The following SLC12A7 variants were observed in gnomAD, a reference collection of about 807,000 sequenced individuals.
SLC12A7 encodes K-Cl cotransporter 4.
A neutral mutation model predicts 120.6 loss-of-function variants in SLC12A7; 100 were observed. The ratio of observed to expected loss-of-function variants is 0.83; its 90% CI spans 0.71 to 0.98. The LOEUF is 0.98. Ranked by LOEUF, SLC12A7 falls within the 50% of genes least tolerant of loss-of-function variation. The probability of loss-of-function intolerance (pLI) is 0.00; values close to 1 mark genes in which losing one functional copy is unlikely to be tolerated. For synonymous variants in SLC12A7, 760 were observed against 678.0 expected (o/e 1.12, Z -1.88); for missense variants, 1,373 against 1,548.1 (o/e 0.89, Z 1.90).
chr5:1,059,922 C>T (rs1297441304), intron 21 of SLC12A7, among the ~76,000 whole-genome samples: 2 of 152,232 alleles, frequency 1.3e-5, no homozygotes, highest in African/African-American at 4.8e-5. Flanking sequence ...GACAAAGCAG[C>T]CATCGTAAGC....
chr5:1,140,729 A>G, the SLC12A7 span, among the ~76,000 whole-genome samples: 5 of 152,194 alleles, frequency 3.3e-5, no homozygotes, highest in Non-Finnish European at 5.9e-5. Context: ...GGCCCCGGGG[A>G]GGGCTCAGGT....
chr5:1,122,363 C>T, the SLC12A7 span, among the ~76,000 whole-genome samples: 3 of 152,200 alleles, frequency 2.0e-5, no homozygotes, highest in African/African-American at 4.8e-5. Flanking sequence ...ACAGCCCCCG[C>T]CACTGCGCTT....
chr5:1,114,121 A>G (rs1197536954), upstream of SLC12A7, among the ~76,000 whole-genome samples: 1 of 152,192 alleles, frequency 6.6e-6, no homozygotes, highest in Admixed American at 6.5e-5. Flanking sequence ...ACAGAGGAGG[A>G]AACTGAGGCC....
Position 1,089,146 on chromosome 5 carries a change from G to A in SLC12A7, c.343-18C>T, listed in dbSNP as rs532757857. The A allele has an allele frequency of 1.3e-5, 21 of 1,610,874 alleles. No individual in the cohort carries two copies. Among genetic ancestry groups the A allele is most frequent in the South Asian group, 3.3e-5 (3 of 91,026 alleles). On this transcript the variant is annotated intron_variant, in intron 3 of 23. Coordinates refer to ENST00000264930, the MANE Select transcript of SLC12A7 (RefSeq NM_006598.3). ...CGCGGAGCCTGCGACAGAGCATAGC[G>A]TGTCCCAGGGGCTCGTACCCCACAC...
At chr5:1,089,905 GC>G (rs1468514878) in intron 3 of SLC12A7, among the ~76,000 whole-genome samples, 1 of 152,252 alleles carries the variant, frequency 6.6e-6, no homozygotes, top group Non-Finnish European at 1.5e-5. Flanking sequence ...TGCCTGCTCA[GC>G]CCCACTCCCG....
chr5:1,089,830 A>G (rs1740292583), intron 3 of SLC12A7, among the ~76,000 whole-genome samples: 1 of 152,220 alleles, frequency 6.6e-6, no homozygotes, highest in Admixed American at 6.5e-5. Flanking sequence ...AGCGCCTGCC[A>G]GGCAGCTCCC....
intron 14 of SLC12A7, among the ~76,000 whole-genome samples, chr5:1,075,738 AC>A (rs1652893753): frequency 6.6e-6 from 1 of 152,210 alleles, no homozygotes; most frequent in African/African-American, 2.4e-5. Flanking sequence ...TGCACACAGC[AC>A]CTCGGCTGTG....
the SLC12A7 span, among the ~76,000 whole-genome samples, chr5:1,134,118 T>G: frequency 6.6e-6 from 1 of 152,198 alleles, no homozygotes; most frequent in Non-Finnish European, 1.5e-5. Flanking sequence ...GTGAGAGAAC[T>G]GGGTGGCTCT....
chr5:1,075,914 C>T (rs1738276159), intron 14 of SLC12A7: 1 of 540,146 alleles, frequency 1.9e-6, no homozygotes, highest in Admixed American at 3.4e-5. Context: ...TAACCAGAGG[C>T]CTTCCTCAGG....
At chr5:1,082,023 AAAGTCCAGGCTTCCCGT>A (rs1739186013) in intron 8 of SLC12A7, among the ~76,000 whole-genome samples, 1 of 106,842 alleles carries the variant, frequency 9.4e-6, no homozygotes, top group Non-Finnish European at 2.4e-5. Flanking sequence ...CGGGTTCTGG[AAAGTCCAGGCTTCCCGT>A]CTCGGGTTCT....
chr5:1,055,504 A>G (rs1309245012), intron 22 of SLC12A7, among the ~76,000 whole-genome samples: 3 of 152,222 alleles, frequency 2.0e-5, no homozygotes, highest in African/African-American at 7.2e-5. Context: ...GGCTTCTCCC[A>G]GCCCAACCCC....
At chr5:1,125,504 CAAA>C in the SLC12A7 span, among the ~76,000 whole-genome samples, 1 of 152,114 alleles carries the variant, frequency 6.6e-6, no homozygotes, top group Admixed American at 6.5e-5. Flanking sequence ...CTCCAAACTC[CAAA>C]ACAGTGGTTT....
chr5:1,093,344 G>A (rs190909318), intron 3 of SLC12A7, among the ~76,000 whole-genome samples, 189 bp downstream of exon 3: 2 of 152,334 alleles, frequency 1.3e-5, no homozygotes, highest in Admixed American at 6.5e-5. Context: ...ACGGTGGAGA[G>A]GGAAGAGGCC....
At chr5:1,061,492 T>C (rs1310213714) in intron 20 of SLC12A7, among the ~76,000 whole-genome samples, 10 of 77,330 alleles carry the variant, frequency 1.3e-4, no homozygotes, top group African/African-American at 6.6e-4. Context: ...CCGTGCGGGA[T>C]CCCTGAGTCT....
intron 1 of SLC12A7, among the ~76,000 whole-genome samples, chr5:1,094,649 G>A (rs1047463817): frequency 6.6e-5 from 10 of 152,232 alleles, no homozygotes; most frequent in African/African-American, 2.2e-4. Flanking sequence ...ACCTCCCTCT[G>A]GCGTTGAAAA....
chr5:1,090,352 C>A (rs1376362321), intron 3 of SLC12A7, among the ~76,000 whole-genome samples: 1 of 152,142 alleles, frequency 6.6e-6, no homozygotes. Context: ...GATCTGAGAG[C>A]CTGGGGGATT....
At chr5:1,074,761 T>TG in intron 15 of SLC12A7, 90 bp from the exon 16 acceptor site, 1 of 1,223,230 alleles carries the variant, frequency 8.2e-7, no homozygotes, top group Middle Eastern at 2.1e-4. Context: ...GCAGGTGAGT[T>TG]GGGGCAAACA....
chr5:1,065,517 G>T, intron 17 of SLC12A7, 39 bp from the exon 18 acceptor site: 2 of 1,514,124 alleles, frequency 1.3e-6, no homozygotes, highest in East Asian at 2.3e-5. Flanking sequence ...CAGCAGGAAT[G>T]GGGTGCACAG....
At chr5:1,138,221 C>T in the SLC12A7 span, among the ~76,000 whole-genome samples, 1 of 152,152 alleles carries the variant, frequency 6.6e-6, no homozygotes, top group East Asian at 1.9e-4. Flanking sequence ...CCTTCCACAT[C>T]ATTGAAATGA....
Sources: allele counts gnomAD v4.1 joint callset (sites outside exome capture counted in the v4.1 genomes callset), GRCh38; gene constraint gnomAD v4.1.1; transcripts MANE v1.5; gene names NCBI Gene and HGNC (gene_info 2026-07-23, HGNC 2026-07-21).